Variants in SUGCT observed in about 807,000 individuals in gnomAD.
SUGCT encodes succinyl-CoA:glutarate-CoA transferase.
Under a neutral mutation model 55.0 loss-of-function variants are expected in SUGCT, and 41 were observed. The ratio of observed to expected loss-of-function variants is 0.74; its 90% CI spans 0.58 to 0.97. The LOEUF (loss-of-function observed/expected upper bound fraction) is 0.97, where lower values mean the gene tolerates loss of function less well. Among genes scored for constraint, SUGCT ranks in the 50% least tolerant of loss-of-function variants. The pLI is 0.00. For synonymous variants in SUGCT, 187 were observed against 200.4 expected, an observed-to-expected ratio of 0.93 and a Z score of 0.56; for missense variants, 568 against 547.8, an observed-to-expected ratio of 1.04 and a Z score of -0.37.
intron 13 of SUGCT, among the ~76,000 whole-genome samples, chr7:40,784,280 C>T (rs1427985079): frequency 6.6e-6 from 1 of 152,140 alleles, no homozygotes; most frequent in Admixed American, 6.5e-5. Flanking sequence ...CACTCATCAG[C>T]ATGCTTTTAC....
At chr7:40,268,314 C>T (rs1003054835) in intron 7 of SUGCT, among the ~76,000 whole-genome samples, 3 of 152,204 alleles carry the variant, frequency 2.0e-5, no homozygotes, top group African/African-American at 7.2e-5. Flanking sequence ...ATGGATTTGC[C>T]TGTTCTGGAC....
chr7:40,938,538 G>A, the SUGCT span, among the ~76,000 whole-genome samples: 1 of 151,446 alleles, frequency 6.6e-6, no homozygotes, highest in East Asian at 1.9e-4. Flanking sequence ...AAGTACAAGT[G>A]GTTTTTGGTT....
chr7:40,269,870 C>A (rs1791889452), intron 7 of SUGCT, among the ~76,000 whole-genome samples: 1 of 152,166 alleles, frequency 6.6e-6, no homozygotes, highest in African/African-American at 2.4e-5. Flanking sequence ...GGTGTGATCG[C>A]TCATGCCTTT....
chr7:40,291,043 T>C (rs1213655556), intron 8 of SUGCT, among the ~76,000 whole-genome samples: 1 of 152,076 alleles, frequency 6.6e-6, no homozygotes, highest in Admixed American at 6.6e-5. Flanking sequence ...AGGAACACTT[T>C]TACACTGTTG....
At chr7:40,724,059 G>C (rs906735060) in intron 12 of SUGCT, among the ~76,000 whole-genome samples, 1 of 152,146 alleles carries the variant, frequency 6.6e-6, no homozygotes, top group Non-Finnish European at 1.5e-5. Context: ...AAAATGAAAA[G>C]ATATTTATGC....
At chr7:40,331,245 C>T (rs552434289) in intron 9 of SUGCT, among the ~76,000 whole-genome samples, 1 of 152,306 alleles carries the variant, frequency 6.6e-6, no homozygotes, top group African/African-American at 2.4e-5. Flanking sequence ...ACAGTCTAAA[C>T]ATCTACTTCT....
intron 8 of SUGCT, among the ~76,000 whole-genome samples, chr7:40,301,014 A>G (rs1331635456): frequency 6.6e-6 from 1 of 152,194 alleles, no homozygotes; most frequent in African/African-American, 2.4e-5. Context: ...TTGTCATGCA[A>G]ACTCATGTTT....
chr7:40,445,448 G>A (rs1788771225), intron 9 of SUGCT, among the ~76,000 whole-genome samples: 1 of 152,078 alleles, frequency 6.6e-6, no homozygotes, highest in Non-Finnish European at 1.5e-5. Flanking sequence ...ACTAAACCAG[G>A]AAGAAGTTGA....
chr7:40,235,875 C>T (rs1584415094), intron 6 of SUGCT, among the ~76,000 whole-genome samples: 1 of 152,068 alleles, frequency 6.6e-6, no homozygotes, highest in Non-Finnish European at 1.5e-5. Flanking sequence ...GAGAGTCTTC[C>T]AGGTGGCTGG....
intron 13 of SUGCT, among the ~76,000 whole-genome samples, chr7:40,811,656 A>G (rs1375772726): frequency 3.3e-5 from 5 of 152,128 alleles, no homozygotes; most frequent in African/African-American, 1.2e-4. Context: ...TATCAGTTTC[A>G]GGAGCCTGTG....
At chr7:40,900,453 C>G in the SUGCT span, among the ~76,000 whole-genome samples, 361 of 152,332 alleles carry the variant, frequency 2.4e-3, 3 homozygotes, top group African/African-American at 8.3e-3. Flanking sequence ...CATAGTCATT[C>G]AACAACTCTT....
intron 11 of SUGCT, among the ~76,000 whole-genome samples, chr7:40,478,400 T>TG (rs1368735296): frequency 6.6e-6 from 1 of 152,174 alleles, no homozygotes; most frequent in Non-Finnish European, 1.5e-5. Flanking sequence ...TCACGAAACT[T>TG]GCGCGAGGTA....
At chr7:41,034,717 T>C in the SUGCT span, among the ~76,000 whole-genome samples, 1 of 152,212 alleles carries the variant, frequency 6.6e-6, no homozygotes, top group African/African-American at 2.4e-5. Flanking sequence ...TCATCCTTCT[T>C]AGCTTCTTTT....
chr7:40,304,191 T>C (rs994403456), intron 8 of SUGCT, among the ~76,000 whole-genome samples: 6 of 152,038 alleles, frequency 3.9e-5, no homozygotes, highest in Non-Finnish European at 5.9e-5. Flanking sequence ...ACAAAGGATG[T>C]GAAGCCCTTC....
rs1261315853 is a variant in SUGCT, at chr7:40,730,624, T to C, written c.1090-18810T>C. On this transcript the variant is annotated intron_variant, in intron 12 of 13. Transcript: ENST00000335693. ...ATTATTAACTATAATCACCACTTGG[T>C]ACAATAGATCTCTTGAATTTATTCC... Among the ~76,000 whole-genome samples, 5 of 152,200 alleles carry C rather than the reference T, an allele frequency of 3.3e-5. No individual in the cohort carries two copies. The East Asian group carries it at 9.6e-4, about 29-fold the overall frequency.
intron 8 of SUGCT, among the ~76,000 whole-genome samples, chr7:40,291,649 G>A (rs1793781128): frequency 7.4e-6 from 1 of 135,736 alleles, no homozygotes; most frequent in African/African-American, 2.6e-5. Flanking sequence ...AAAACTTAAA[G>A]TATAATAATA....
intron 9 of SUGCT, among the ~76,000 whole-genome samples, chr7:40,415,064 C>T (rs199841611): frequency 1.3e-5 from 1 of 74,414 alleles, no homozygotes; most frequent in African/African-American, 5.7e-5. Flanking sequence ...AAAAAAAAAT[C>T]TATCTATCTA....
At chr7:40,862,781 C>A (rs554774419), downstream of SUGCT, among the ~76,000 whole-genome samples, 19 of 149,922 alleles carry the variant, frequency 1.3e-4, no homozygotes, top group East Asian at 1.8e-3. Flanking sequence ...GATTTTCTGA[C>A]TAATCAAGCA....
the SUGCT span, among the ~76,000 whole-genome samples, chr7:40,900,924 T>C: frequency 6.6e-6 from 1 of 152,144 alleles, no homozygotes; most frequent in Non-Finnish European, 1.5e-5. Flanking sequence ...ATAAGATAAA[T>C]GAGGGAAAAT....
Sources: allele counts gnomAD v4.1 joint callset (sites outside exome capture counted in the v4.1 genomes callset), GRCh38; gene constraint gnomAD v4.1.1; transcripts MANE v1.5; gene names NCBI Gene and HGNC (gene_info 2026-07-23, HGNC 2026-07-21).